CNTN5: variants seen among roughly 807,000 people sequenced by gnomAD.
CNTN5 encodes the protein contactin 5, also known as contactin-5.
In CNTN5, 77 loss-of-function variants were observed where a neutral mutation model predicts 129.1. That is an observed-to-expected ratio of 0.60 (90% CI 0.50 to 0.72). CNTN5 has a LOEUF of 0.72. Ranked by LOEUF, CNTN5 falls within the 30% of genes least tolerant of loss-of-function variation. The pLI is 0.00. For synonymous variants in CNTN5, 509 were observed against 465.6 expected (o/e 1.09, Z -1.20); for missense variants, 1,478 against 1,328.8 (o/e 1.11, Z -1.75).
intron 13 of CNTN5, among the ~76,000 whole-genome samples, chr11:100,150,359 CTTGTG>C (rs1947012733): frequency 6.6e-6 from 1 of 151,788 alleles, no homozygotes; most frequent in South Asian, 2.1e-4. Flanking sequence ...ATTGTGCTTG[CTTGTG>C]TTATTTTAAA....
At chr11:100,051,340 G>A (rs1198624661) in intron 9 of CNTN5, among the ~76,000 whole-genome samples, 1 of 151,786 alleles carries the variant, frequency 6.6e-6, no homozygotes, top group South Asian at 2.1e-4. Context: ...AATAACAAAA[G>A]AATACTTTAA....
At chr11:99,764,189 A>T (rs1006382200) in intron 3 of CNTN5, among the ~76,000 whole-genome samples, 1 of 152,068 alleles carries the variant, frequency 6.6e-6, no homozygotes, top group African/African-American at 2.4e-5. Flanking sequence ...AAAGGCCTAG[A>T]TGTACAAAAC....
intron 13 of CNTN5, among the ~76,000 whole-genome samples, chr11:100,171,113 A>G (rs1351961376): frequency 6.6e-6 from 1 of 152,006 alleles, no homozygotes; most frequent in Non-Finnish European, 1.5e-5. Context: ...CAAAAAAATA[A>G]CTTGAGCTAA....
chr11:99,763,692 T>A (rs552251708), intron 3 of CNTN5, among the ~76,000 whole-genome samples: 34 of 152,216 alleles, frequency 2.2e-4, no homozygotes, highest in African/African-American at 8.2e-4. Flanking sequence ...TGTATATTAA[T>A]TTAAGCAGCT....
At chr11:99,789,354 C>T (rs192439562) in intron 3 of CNTN5, among the ~76,000 whole-genome samples, 2 of 151,772 alleles carry the variant, frequency 1.3e-5, no homozygotes, top group Non-Finnish European at 1.5e-5. Context: ...TAATGTAAGA[C>T]AGATAATGAA....
At chr11:99,383,186 G>A (rs1565537844) in intron 2 of CNTN5, among the ~76,000 whole-genome samples, 3 of 151,908 alleles carry the variant, frequency 2.0e-5, no homozygotes, top group Admixed American at 1.3e-4. Flanking sequence ...TAAATATATT[G>A]TTATGAAAAT....
In CNTN5 at chr11:99,819,640, G is replaced by C. The variant is rs1356042006; in HGVS notation, c.152G>C (p.Arg51Thr). The C allele has an allele frequency of 6.2e-7, 1 of 1,613,048 alleles. No homozygotes were observed. The highest frequency in any genetic ancestry group is 8.5e-7 in the Non-Finnish European group (1 of 1,179,830). ...SSSSLFGSKT[R>T]PRYSSPSLGT... ...TCATCTCTCTTTGGTTCCAAAACCA[G>C]ACCACGATACAGCAGCCCTTCATTA... Residue 51 changes from arginine (R) to threonine (T), a missense_variant, in exon 4 of 25, where the codon AGA becomes ACA. Coordinates refer to ENST00000524871, the MANE Select transcript of CNTN5 (RefSeq NM_014361.4).
chr11:99,981,666 C>T (rs552717182), intron 8 of CNTN5, among the ~76,000 whole-genome samples: 1 of 152,250 alleles, frequency 6.6e-6, no homozygotes, highest in South Asian at 2.1e-4. Flanking sequence ...TCTGAAAGTT[C>T]TTATGAGGAA....
chr11:100,349,815 A>T (rs1387956942), intron 23 of CNTN5, among the ~76,000 whole-genome samples: 1 of 151,856 alleles, frequency 6.6e-6, no homozygotes, highest in African/African-American at 2.4e-5. Flanking sequence ...GAGGCAAGTA[A>T]TAGTACAATA....
intron 7 of CNTN5, among the ~76,000 whole-genome samples, chr11:99,947,893 T>G (rs537121154): frequency 1.1e-3 from 163 of 152,358 alleles, no homozygotes; most frequent in Non-Finnish European, 1.8e-3. Context: ...ATGTTGAGTG[T>G]TTTAAATACC....
intron 1 of CNTN5, among the ~76,000 whole-genome samples, chr11:99,092,619 A>G (rs1866298828): frequency 6.6e-6 from 1 of 152,068 alleles, no homozygotes; most frequent in Non-Finnish European, 1.5e-5. Flanking sequence ...TAACTTAGAA[A>G]CCAACTAAAT....
At chr11:99,425,187 G>T (rs961638182) in intron 2 of CNTN5, among the ~76,000 whole-genome samples, 2 of 152,136 alleles carry the variant, frequency 1.3e-5, no homozygotes, top group Non-Finnish European at 2.9e-5. Context: ...TTGGTCCATG[G>T]GTGGCCATAG....
At chr11:99,362,763 C>A (rs967442053) in intron 2 of CNTN5, among the ~76,000 whole-genome samples, 1 of 151,506 alleles carries the variant, frequency 6.6e-6, no homozygotes, top group Non-Finnish European at 1.5e-5. Flanking sequence ...TTTTCAAAAC[C>A]ATTTATTGAA....
At chr11:100,015,729 G>A (rs1273334241) in intron 9 of CNTN5, among the ~76,000 whole-genome samples, 1 of 151,900 alleles carries the variant, frequency 6.6e-6, no homozygotes, top group East Asian at 1.9e-4. Flanking sequence ...TATTTTACAT[G>A]ATAAAATTTT....
At chr11:99,993,934 A>G (rs941432958) in intron 8 of CNTN5, among the ~76,000 whole-genome samples, 2 of 152,208 alleles carry the variant, frequency 1.3e-5, no homozygotes, top group Admixed American at 1.3e-4. Flanking sequence ...CTTGCAGTAT[A>G]GCCCAAATTA....
intron 18 of CNTN5, among the ~76,000 whole-genome samples, chr11:100,272,073 A>C (rs554919208): frequency 7.0e-4 from 106 of 152,332 alleles, no homozygotes; most frequent in African/African-American, 1.8e-3. Context: ...AAACAATAGA[A>C]AGAGGAGGAT....
intron 2 of CNTN5, among the ~76,000 whole-genome samples, chr11:99,373,888 A>G (rs1939990398): frequency 6.6e-6 from 1 of 152,162 alleles, no homozygotes; most frequent in Non-Finnish European, 1.5e-5. Flanking sequence ...TCACAAATAC[A>G]GTTTTATCTT....
chr11:99,675,272 G>T (rs1331803522), intron 3 of CNTN5, among the ~76,000 whole-genome samples: 1 of 152,058 alleles, frequency 6.6e-6, no homozygotes, highest in Non-Finnish European at 1.5e-5. Context: ...TCAGTACTGG[G>T]TGAGGGAATG....
chr11:100,007,422 G>A (rs1940262814), intron 9 of CNTN5, among the ~76,000 whole-genome samples: 2 of 152,076 alleles, frequency 1.3e-5, no homozygotes, highest in African/African-American at 4.8e-5. Flanking sequence ...CTGTTGTTTA[G>A]TGTAGCCATT....
Sources: gnomAD v4.1 joint callset for allele counts (sites outside exome capture counted in the v4.1 genomes callset) on GRCh38, gnomAD v4.1.1 for gene constraint, MANE v1.5 for transcripts, NCBI Gene and HGNC (gene_info 2026-07-23, HGNC 2026-07-21) for gene names.